The following DHRSX variants were observed in gnomAD, a reference collection of about 807,000 sequenced individuals.
DHRSX encodes the protein dehydrogenase/reductase X-linked.
Under a neutral mutation model 34.0 loss-of-function variants are expected in DHRSX, and 31 were observed. The ratio of observed to expected loss-of-function variants is 0.91; its 90% CI spans 0.69 to 1.23. The LOEUF (loss-of-function observed/expected upper bound fraction) is 1.23. Ranked by LOEUF, DHRSX falls within the 50% of genes most tolerant of loss-of-function variation. The probability of loss-of-function intolerance (pLI) is 0.00; values close to 1 mark genes in which losing one functional copy is unlikely to be tolerated. For missense variants in DHRSX, 414 were observed against 428.1 expected, an observed-to-expected ratio of 0.97 and a Z score of 0.29; for synonymous variants, 201 against 183.8, an observed-to-expected ratio of 1.09 and a Z score of -0.76.
At chrX:2,252,439 G>A (rs1190517195) in intron 5 of DHRSX, among the ~76,000 whole-genome samples, 4 of 152,170 alleles carry the variant, frequency 2.6e-5, no homozygotes, top group African/African-American at 9.7e-5. Flanking sequence ...TAGTTACTAA[G>A]TGCAGAGAGG....
intron 3 of DHRSX, among the ~76,000 whole-genome samples, chrX:2,373,502 T>TC (rs938761935): frequency 6.6e-6 from 1 of 152,070 alleles, no homozygotes; most frequent in Admixed American, 6.6e-5. Flanking sequence ...GGGTCTCTAG[T>TC]CCCCCAGCTC....
Position 2,266,917 on chromosome X carries a change from G to T in DHRSX, c.419C>A (p.Thr140Asn), listed in dbSNP as rs1169305687. ...GAAATGTTCTTCGAATCCATCTCTG[G>T]TTTTCCTCTGAGGGACCATCATCAC... ...AGVMMVPQRK[T>N]RDGFEEHFGL... Residue 140 changes from threonine (T) to asparagine (N), a missense_variant, in exon 5 of 7, where the codon ACC becomes AAC. Transcript: ENST00000334651. 6.2e-7 allele frequency: 1 copy of T among 1,613,836 alleles called. No individual in the cohort carries two copies. Among genetic ancestry groups the T allele is most frequent in the African/African-American group, 1.3e-5 (1 of 74,912 alleles).
intron 1 of DHRSX, among the ~76,000 whole-genome samples, chrX:2,463,874 C>T (rs1304724495): frequency 2.6e-5 from 4 of 152,130 alleles, no homozygotes; most frequent in Non-Finnish European, 2.9e-5. Flanking sequence ...GCCAAGGGAT[C>T]GCCACCGAGT....
chrX:2,421,925 T>G (rs1442681933), intron 2 of DHRSX, among the ~76,000 whole-genome samples: 5 of 152,178 alleles, frequency 3.3e-5, no homozygotes, highest in Non-Finnish European at 7.3e-5. Context: ...ACTTCATCGA[T>G]TCGTAACATG....
chrX:2,285,699 C>G (rs2041796740), intron 4 of DHRSX, among the ~76,000 whole-genome samples: 1 of 152,188 alleles, frequency 6.6e-6, no homozygotes, highest in African/African-American at 2.4e-5. Context: ...AAAGTACCAC[C>G]ACTGGAGTCC....
At chrX:2,291,949 AG>A (rs1444423921) in intron 3 of DHRSX, among the ~76,000 whole-genome samples, 1 of 137,300 alleles carries the variant, frequency 7.3e-6, no homozygotes, top group East Asian at 2.1e-4. Flanking sequence ...CATGTTGGCC[AG>A]GCTGGTCTCA....
At position 2,387,542 on chromosome X, in the gene DHRSX, T is replaced by C. The variant is rs186766026; in HGVS notation, c.286+21203A>G. ...AGGCTGGGAGGCTAGACCAGTCTAG[T>C]CTTTTCATGTTTTTCTGCCTGCTTA... On this transcript the variant is annotated intron_variant, in intron 3 of 6. Coordinates refer to ENST00000334651, the MANE Select transcript of DHRSX (RefSeq NM_145177.3). Among the ~76,000 whole-genome samples, 90 of 152,118 alleles carry C rather than the reference T, an allele frequency of 5.9e-4. No individual in the cohort carries two copies. In the East Asian group the frequency reaches 0.016, roughly 28 times the overall value.
At chrX:2,250,336 G>A (rs2016408422) in intron 5 of DHRSX, among the ~76,000 whole-genome samples, 1 of 151,994 alleles carries the variant, frequency 6.6e-6, no homozygotes, top group Admixed American at 6.6e-5. Context: ...CTCCGAGTGG[G>A]TCCATAGAGT....
intron 5 of DHRSX, among the ~76,000 whole-genome samples, chrX:2,252,109 G>A (rs187226123): frequency 1.3e-5 from 2 of 152,062 alleles, no homozygotes; most frequent in Non-Finnish European, 1.5e-5. Flanking sequence ...GTGGTGGCAG[G>A]TGCCTGTAAT....
chrX:2,306,496 C>G (rs1005859815), intron 3 of DHRSX, among the ~76,000 whole-genome samples: 68 of 147,528 alleles, frequency 4.6e-4, no homozygotes, highest in African/African-American at 1.6e-3. Flanking sequence ...GAGTCTTGCT[C>G]TGTTGCCCAG....
chrX:2,273,202 T>A (rs1282068412), intron 4 of DHRSX, among the ~76,000 whole-genome samples: 1 of 151,922 alleles, frequency 6.6e-6, no homozygotes, highest in Admixed American at 6.6e-5. Flanking sequence ...CAAAAATAAA[T>A]AAATCAATAA....
chrX:2,304,771 T>C (rs1445800662), intron 3 of DHRSX, among the ~76,000 whole-genome samples: 1 of 152,120 alleles, frequency 6.6e-6, no homozygotes, highest in East Asian at 1.9e-4. Flanking sequence ...CTTCTTTTCT[T>C]TATAAATTAC....
chrX:2,347,714 G>A (rs1389802172), intron 3 of DHRSX, among the ~76,000 whole-genome samples: 1 of 152,062 alleles, frequency 6.6e-6, no homozygotes, highest in Non-Finnish European at 1.5e-5. Context: ...AGATTTGAGT[G>A]GGGACAGAGC....
chrX:2,338,078 A>G, intron 3 of DHRSX: 1 of 151,662 alleles, frequency 6.6e-6, no homozygotes, highest in Admixed American at 6.6e-5. Flanking sequence ...CATGCCTGTA[A>G]TCCCAACATT....
chrX:2,365,176 A>G (rs2042982463), intron 3 of DHRSX, among the ~76,000 whole-genome samples: 1 of 152,210 alleles, frequency 6.6e-6, no homozygotes, highest in Non-Finnish European at 1.5e-5. Flanking sequence ...ACAGAATGGG[A>G]GAAAATTTTT....
At chrX:2,244,766 C>T (rs896205349) in intron 5 of DHRSX, among the ~76,000 whole-genome samples, 12 of 151,890 alleles carry the variant, frequency 7.9e-5, no homozygotes, top group African/African-American at 2.7e-4. Context: ...AGCTGGAGTA[C>T]AGTGGCGTGA....
At chrX:2,317,192 A>T (rs191794721) in intron 3 of DHRSX, among the ~76,000 whole-genome samples, 238 of 146,562 alleles carry the variant, frequency 1.6e-3, no homozygotes, top group African/African-American at 6.2e-3. Flanking sequence ...TCCTGACCTC[A>T]GGTGATCCAC....
intron 3 of DHRSX, among the ~76,000 whole-genome samples, chrX:2,299,654 A>G (rs769520974): frequency 6.6e-6 from 1 of 152,234 alleles, no homozygotes; most frequent in South Asian, 2.1e-4. Flanking sequence ...CAGGAGTTCG[A>G]GACCAGCCTG....
At chrX:2,275,731 G>A (rs1395618267) in intron 4 of DHRSX, among the ~76,000 whole-genome samples, 1 of 151,710 alleles carries the variant, frequency 6.6e-6, no homozygotes, top group East Asian at 1.9e-4. Flanking sequence ...GGAGATTGCA[G>A]TGAGAAGAGG....
Sources: allele counts gnomAD v4.1 joint callset (sites outside exome capture counted in the v4.1 genomes callset), GRCh38; gene constraint gnomAD v4.1.1; transcripts MANE v1.5; gene names NCBI Gene and HGNC (gene_info 2026-07-23, HGNC 2026-07-21).